CNKSR3: variants seen among roughly 807,000 people sequenced by gnomAD.
The protein encoded by CNKSR3 is connector enhancer of kinase suppressor of ras 3.
A neutral mutation model predicts 67.7 loss-of-function variants in CNKSR3; 36 were observed. The observed-to-expected ratio is 0.53, with a 90% CI of 0.41 to 0.70. The LOEUF (loss-of-function observed/expected upper bound fraction) is 0.70, where lower values mean the gene tolerates loss of function less well. Ranked by LOEUF, CNKSR3 falls within the 30% of genes least tolerant of loss-of-function variation. The pLI is 0.00. For synonymous variants in CNKSR3, 281 were observed against 271.4 expected (o/e 1.04, Z -0.35); for missense variants, 630 against 695.2 (o/e 0.91, Z 1.05).
At chr6:154,413,151 C>CACACAT (rs1784943408) in intron 10 of CNKSR3, among the ~76,000 whole-genome samples, 3 of 141,996 alleles carry the variant, frequency 2.1e-5, no homozygotes, top group Admixed American at 1.4e-4. Context: ...CACACACACA[C>CACACAT]ACACACACAC....
chr6:154,486,641 C>G lies in CNKSR3; in HGVS notation c.52+23422G>C, dbSNP rs539226444. Reference sequence around the variant, plus strand: ...CCAAGTAGCTGGGATTACAGGCACACACCACCACACCCAGCTAATCTTTTG... The same window carrying G: ...CCAAGTAGCTGGGATTACAGGCACAGACCACCACACCCAGCTAATCTTTTG... On this transcript the variant is annotated intron_variant, in intron 1 of 12. Coordinates refer to ENST00000607772, the MANE Select transcript of CNKSR3 (RefSeq NM_173515.4). Among the ~76,000 whole-genome samples the G allele has an allele frequency of 7.9e-5, 11 of 138,594 alleles. 1 individual carries two copies. The highest frequency in any genetic ancestry group is 3.7e-4 in the African/African-American group (11 of 29,916). 90.9% of individuals were successfully genotyped at this position (138,594 alleles called of 152,430 possible). A position where few individuals can be genotyped will look rare whatever the true frequency, so the allele number is the denominator to read the frequency against.
At chr6:154,426,967 C>T (rs1276128519) in intron 7 of CNKSR3, among the ~76,000 whole-genome samples, 1 of 152,158 alleles carries the variant, frequency 6.6e-6, no homozygotes, top group Non-Finnish European at 1.5e-5. Flanking sequence ...TCGTGTGTTG[C>T]ATCTTGTGTC....
rs539951968 is a variant in CNKSR3, at chr6:154,451,948, G to A, written c.53-1690C>T. Among the ~76,000 whole-genome samples, 70 of 152,300 alleles carry A rather than the reference G, an allele frequency of 4.6e-4. 1 individual carries two copies. The highest frequency in any genetic ancestry group is 1.0e-4 in the Non-Finnish European group (7 of 68,022). ...CAGCCTTGAGCTACAGGTGGCCTTC[G>A]TGGCACGCGAGTCAGGCAGGCAGTG... On this transcript the variant is annotated intron_variant, in intron 1 of 12. Coordinates refer to ENST00000607772, the MANE Select transcript of CNKSR3 (RefSeq NM_173515.4).
intron 1 of CNKSR3, among the ~76,000 whole-genome samples, chr6:154,468,715 A>G (rs191721582): frequency 1.2e-3 from 183 of 152,202 alleles, no homozygotes; most frequent in Non-Finnish European, 2.4e-3. Flanking sequence ...CTCCCCACAC[A>G]CCAAAGCAAC....
At position 154,420,013 on chromosome 6, in the gene CNKSR3, T is replaced by C. The variant is rs143599408; in HGVS notation, c.945+2493A>G. 8.1e-3 allele frequency among the ~76,000 whole-genome samples: 1,230 copies of C among 151,448 alleles called. 13 individuals are homozygous for C. The highest frequency in any genetic ancestry group is 0.028 in the African/African-American group (1,159 of 41,250). ...AGGAGAATCGCTTGAACCTGGGAGG[T>C]GGAGGTTGCAGTGAGCCAAGATCAC... On this transcript the variant is annotated intron_variant, in intron 9 of 12. Coordinates refer to ENST00000607772, the MANE Select transcript of CNKSR3 (RefSeq NM_173515.4).
chr6:154,499,621 C>T (rs1562359445), intron 1 of CNKSR3, among the ~76,000 whole-genome samples: 1 of 152,064 alleles, frequency 6.6e-6, no homozygotes, highest in African/African-American at 2.4e-5. Context: ...CAATCTCTAC[C>T]GGGTTTTTTT....
In CNKSR3 at chr6:154,422,597, A is replaced by G. The variant is rs142284063; in HGVS notation, c.854T>C (p.Val285Ala). The G allele has an allele frequency of 8.6e-5, 138 of 1,613,644 alleles. No homozygotes were observed. The highest frequency in any genetic ancestry group is 3.0e-4 in the Admixed American group (18 of 59,972). The change falls in exon 9 of 13, where the codon GTT becomes GCT. Residue 285 changes from valine to alanine, a missense_variant. Coordinates refer to ENST00000607772, the MANE Select transcript of CNKSR3 (RefSeq NM_173515.4). ...VKKLRENPTGVVLLLKKRPTG... is the reference protein window; with the variant it reads ...VKKLRENPTGAVLLLKKRPTG... ...GGGGCGCTTCTTAAGCAGTAACACA[A>G]CTCCGGTGGGATTCTCTCTCAATTT... is the stretch of plus-strand genomic sequence containing the variant.
chr6:154,440,682 T>C (rs1402564424), intron 4 of CNKSR3, among the ~76,000 whole-genome samples: 1 of 152,218 alleles, frequency 6.6e-6, no homozygotes, highest in African/African-American at 2.4e-5. Context: ...GGTTTTTACC[T>C]TTCTGCCTTG....
chr6:154,438,938 T>C (rs1048956590), intron 4 of CNKSR3, among the ~76,000 whole-genome samples: 2 of 152,154 alleles, frequency 1.3e-5, no homozygotes, highest in Non-Finnish European at 2.9e-5. Context: ...ATGTACCTCC[T>C]ATGGGAAGAT....
At chr6:154,419,047 T>TTC (rs1554231588) in intron 9 of CNKSR3, among the ~76,000 whole-genome samples, 1 of 149,560 alleles carries the variant, frequency 6.7e-6, no homozygotes, top group Non-Finnish European at 1.5e-5. Context: ...TTTTTTTTTT[T>TTC]TTCTTTTTTT....
At chr6:154,442,049 T>C in intron 3 of CNKSR3, 39 bp downstream of exon 3, 1 of 1,538,174 alleles carries the variant, frequency 6.5e-7, no homozygotes, top group African/African-American at 1.4e-5. Context: ...GGACTCTATC[T>C]ACTCTTGCAG....
chr6:154,414,565 G>A, intron 9 of CNKSR3, 142 bp from the exon 10 acceptor site: 1 of 847,764 alleles, frequency 1.2e-6, no homozygotes, highest in Non-Finnish European at 2.0e-6. Context: ...ACAGATATTG[G>A]CAATATTTAA....
chr6:154,488,571 C>G (rs1450652467), intron 1 of CNKSR3, among the ~76,000 whole-genome samples: 1 of 151,974 alleles, frequency 6.6e-6, no homozygotes, highest in Non-Finnish European at 1.5e-5. Context: ...AATATTTTTT[C>G]AATATTCATT....
chr6:154,479,350 G>A (rs1786520430), intron 1 of CNKSR3, among the ~76,000 whole-genome samples: 1 of 152,172 alleles, frequency 6.6e-6, no homozygotes. Flanking sequence ...GTTGGATTCA[G>A]AATCAGGTTC....
At chr6:154,507,453 G>C (rs1452721245) in intron 1 of CNKSR3, among the ~76,000 whole-genome samples, 1 of 152,178 alleles carries the variant, frequency 6.6e-6, no homozygotes, top group Non-Finnish European at 1.5e-5. Flanking sequence ...ATAAAATAAA[G>C]GTTGGGTAAA....
chr6:154,509,993 T>G, intron 1 of CNKSR3, 70 bp downstream of exon 1: 3 of 1,560,140 alleles, frequency 1.9e-6, no homozygotes, highest in Non-Finnish European at 2.7e-6. Flanking sequence ...CCAAGTACCC[T>G]CTTCCCCAGC....
chr6:154,433,257 G>A (rs1202003146), intron 5 of CNKSR3, among the ~76,000 whole-genome samples: 2 of 152,128 alleles, frequency 1.3e-5, no homozygotes, highest in African/African-American at 4.8e-5. Flanking sequence ...ACTCGATGTA[G>A]TTAATTTAAG....
At chr6:154,420,335 G>C (rs192425212) in intron 9 of CNKSR3, among the ~76,000 whole-genome samples, 2 of 152,108 alleles carry the variant, frequency 1.3e-5, no homozygotes, top group Non-Finnish European at 2.9e-5. Context: ...CAAAGTTTCA[G>C]TTAGCCAGGA....
At chr6:154,459,709 A>G (rs117385242) in intron 1 of CNKSR3, among the ~76,000 whole-genome samples, 3,643 of 152,350 alleles carry the variant, frequency 0.024, 78 homozygotes, top group African/African-American at 0.053. Context: ...GACGTAACCA[A>G]CGAACAACCA....
Sources: gnomAD v4.1 joint callset for allele counts (sites outside exome capture counted in the v4.1 genomes callset) on GRCh38, gnomAD v4.1.1 for gene constraint, MANE v1.5 for transcripts, NCBI Gene and HGNC (gene_info 2026-07-23, HGNC 2026-07-21) for gene names.